STARD7: variants seen among roughly 807,000 people sequenced by gnomAD.
The protein encoded by STARD7 is stAR-related lipid transfer protein 7, mitochondrial.
In STARD7, 30 loss-of-function variants were observed where a neutral mutation model predicts 45.3. That is an observed-to-expected ratio of 0.66 (90% CI 0.50 to 0.90). The LOEUF (loss-of-function observed/expected upper bound fraction) is 0.90. Ranked by LOEUF, STARD7 falls within the 40% of genes least tolerant of loss-of-function variation. The pLI, the probability that STARD7 is intolerant of heterozygous loss-of-function variation, is 0.00. For missense variants in STARD7, 495 were observed against 491.3 expected, an observed-to-expected ratio of 1.01 and a Z score of -0.07; for synonymous variants, 199 against 183.0, an observed-to-expected ratio of 1.09 and a Z score of -0.70.
rs777052263 is a variant in STARD7, at chr2:96,186,923, A to T, written c.929-9T>A. 6.2e-7 allele frequency: 1 copy of T among 1,609,890 alleles called. No individual in the cohort carries two copies. The highest frequency in any genetic ancestry group is 8.5e-7 in the Non-Finnish European group (1 of 1,177,828). ...CAGGAAATCTGGCATGCCTGTCAGG[A>T]GACGAGAATCAGGTTAAGCTGACAT... On this transcript the variant is annotated splice_polypyrimidine_tract_variant and intron_variant, in intron 7 of 7. Coordinates refer to ENST00000337288, the MANE Select transcript of STARD7 (RefSeq NM_020151.4).
intron 1 of STARD7, among the ~76,000 whole-genome samples, chr2:96,197,074 A>ATAACATAACATAACATAACATAACATAAC (rs539093666): frequency 6.1e-4 from 78 of 128,184 alleles, no homozygotes; most frequent in Non-Finnish European, 1.1e-3. Context: ...CTCAAAATAA[A>ATAACATAACATAACATAACATAACATAAC]ATAAAATAAA....
At chr2:96,206,657 C>A (rs967223268) in intron 1 of STARD7, among the ~76,000 whole-genome samples, 2 of 151,000 alleles carry the variant, frequency 1.3e-5, no homozygotes, top group African/African-American at 4.9e-5. Context: ...AAAAATTAGC[C>A]GGGCGTGGTG....
chr2:96,202,926 G>C (rs995248079), intron 1 of STARD7, among the ~76,000 whole-genome samples: 1 of 152,218 alleles, frequency 6.6e-6, no homozygotes, highest in African/African-American at 2.4e-5. Flanking sequence ...CAGAGCATCT[G>C]ACCCACTGCT....
chr2:96,195,265 T>A, intron 2 of STARD7, 76 bp downstream of exon 2: 1 of 1,305,704 alleles, frequency 7.7e-7, no homozygotes, highest in Non-Finnish European at 1.1e-6. Context: ...CAGAACAGTT[T>A]AGAGAAGTAT....
chr2:96,208,028 C>G, intron 1 of STARD7, 117 bp downstream of exon 1: 1 of 931,626 alleles, frequency 1.1e-6, no homozygotes, highest in Admixed American at 3.2e-5. Flanking sequence ...GTTCAATCGA[C>G]TGTATTGCCA....
intron 1 of STARD7, among the ~76,000 whole-genome samples, chr2:96,203,925 C>T (rs1252588577): frequency 6.6e-6 from 1 of 151,954 alleles, no homozygotes; most frequent in Non-Finnish European, 1.5e-5. Flanking sequence ...CAGATCACAC[C>T]GCTGCACTCC....
At chr2:96,197,481 A>G (rs1378056289) in intron 1 of STARD7, among the ~76,000 whole-genome samples, 1 of 152,210 alleles carries the variant, frequency 6.6e-6, no homozygotes, top group Non-Finnish European at 1.5e-5. Context: ...TTAACTATGA[A>G]GGTTTATGGT....
chr2:96,194,759 G>C (rs562754931), intron 3 of STARD7, among the ~76,000 whole-genome samples, 199 bp downstream of exon 3: 1 of 152,314 alleles, frequency 6.6e-6, no homozygotes, highest in East Asian at 1.9e-4. Context: ...CTGTGGGAGG[G>C]TAAAACTGAT....
At chr2:96,189,228 C>A (rs931865496) in intron 6 of STARD7, among the ~76,000 whole-genome samples, 4 of 152,206 alleles carry the variant, frequency 2.6e-5, no homozygotes, top group African/African-American at 9.6e-5. Context: ...CGATTACAGG[C>A]ATGAGCTACC....
intron 1 of STARD7, among the ~76,000 whole-genome samples, chr2:96,197,075 A>C (rs563427299): frequency 0.019 from 2,334 of 125,482 alleles, 84 homozygotes; most frequent in East Asian, 0.11. Context: ...TCAAAATAAA[A>C]TAAAATAAAA....
rs59168739 is a variant in STARD7 at position 96,193,482 on chromosome 2, G to A, written c.550-130C>T. On this transcript the variant is annotated intron_variant, in intron 3 of 7. Coordinates refer to ENST00000337288, the MANE Select transcript of STARD7 (RefSeq NM_020151.4). ...AGAGAGTAATCTGACCTAACAGACA[G>A]TGCCAGAGTGTGAGAGACATGGCTG... The A allele has an allele frequency of 3.2e-3, 2,172 of 669,728 alleles. 20 individuals are homozygous for A. The highest frequency in any genetic ancestry group is 0.028 in the East Asian group (1,060 of 38,214). The allele number at this position is 669,728 out of a possible 1,614,324, so 41.5% of individuals were successfully genotyped here.
chr2:96,207,666 T>C (rs766955929), intron 1 of STARD7, among the ~76,000 whole-genome samples: 15 of 152,180 alleles, frequency 9.9e-5, no homozygotes, highest in Non-Finnish European at 7.3e-5. Flanking sequence ...GCTCTCAATT[T>C]TGCCACGAGT....
intron 7 of STARD7, 112 bp downstream of exon 7, chr2:96,187,105 A>G (rs79652198): frequency 4.0e-6 from 1 of 251,986 alleles, no homozygotes; most frequent in African/African-American, 2.4e-5. Flanking sequence ...TCTGTCTCAG[A>G]AAAAAAAAAA....
At chr2:96,197,600 A>G (rs1683243057) in intron 1 of STARD7, among the ~76,000 whole-genome samples, 2 of 152,218 alleles carry the variant, frequency 1.3e-5, no homozygotes, top group African/African-American at 4.8e-5. Flanking sequence ...CACATACCAT[A>G]AGATTCATTC....
At chr2:96,187,491 T>C (rs943350959) in intron 6 of STARD7, 190 bp from the exon 7 acceptor site, 7 of 523,318 alleles carry the variant, frequency 1.3e-5, no homozygotes, top group African/African-American at 1.2e-4. Flanking sequence ...CCTTGCAATG[T>C]TGACCCTTGG....
intron 1 of STARD7, among the ~76,000 whole-genome samples, chr2:96,202,736 A>G (rs1295016674): frequency 6.6e-6 from 1 of 152,340 alleles, no homozygotes; most frequent in African/African-American, 2.4e-5. Flanking sequence ...GGCACATGCC[A>G]CAACACCTGG....
At position 96,208,558 on chromosome 2, in the gene STARD7, CCAGGAGCCGCCG is replaced by C. The variant is rs1293834394; in HGVS notation, c.-136_-125del. ...ACGAACCCGTCTCACGGTCCCGCGG[CCAGGAGCCGCCG>C]CTCATCTGTCTCTGCAGCCACCGCT... On this transcript the variant is annotated 5_prime_UTR_variant, in exon 1 of 8. Transcript: ENST00000337288. The C allele has an allele frequency of 1.8e-5, 15 of 827,066 alleles. No individual in the cohort carries two copies. The highest frequency in any genetic ancestry group is 2.0e-5 in the Non-Finnish European group (12 of 586,656). The allele number at this position is 827,066 out of a possible 1,614,324, so 51.2% of individuals were successfully genotyped here. A position where few individuals can be genotyped will look rare whatever the true frequency, so the allele number is the denominator to read the frequency against.
chr2:96,195,521 C>T lies in STARD7; in HGVS notation c.319G>A (p.Glu107Lys). The T allele has an allele frequency of 6.2e-7, 1 of 1,613,606 alleles. No homozygotes were observed. Among genetic ancestry groups the T allele is most frequent in the Non-Finnish European group, 8.5e-7 (1 of 1,179,720 alleles). Residue 107 changes from glutamate (E) to lysine (K), a missense_variant, in exon 2 of 8, where the codon GAA (glutamate) becomes AAA (lysine). Physicochemically the swap from Glu to Lys is moderately conservative, Grantham distance 56. Around this residue, in one of 2 missense-constraint regions of STARD7, gnomAD observed 282 missense variants for 220.1 expected, o/e 1.28. Coordinates refer to ENST00000337288, the MANE Select transcript of STARD7 (RefSeq NM_020151.4). Reference sequence around the variant, plus strand: ...GAGCTCTGAAACATATTTGACATTTCTTCCAACCGCTTCATCTCATTAATA... The same window carrying T: ...GAGCTCTGAAACATATTTGACATTTTTTCCAACCGCTTCATCTCATTAATA... ...RSINEMKRLE[E>K]MSNMFQSSGV...
At position 96,193,069 on chromosome 2, in the gene STARD7, C is replaced by T; in HGVS notation, c.743+9G>A. 6.2e-7 allele frequency: 1 copy of T among 1,607,558 alleles called. No homozygotes were observed. On this transcript the variant is annotated intron_variant, in intron 5 of 7. Coordinates refer to ENST00000337288, the MANE Select transcript of STARD7 (RefSeq NM_020151.4). ...GAACTCGGCAACAGCCACAGGCAGC[C>T]ATACATACCGCGACACCAACACCAT... is the stretch of plus-strand genomic sequence containing the variant.
Sources: allele counts gnomAD v4.1 joint callset (sites outside exome capture counted in the v4.1 genomes callset), GRCh38; gene constraint gnomAD v4.1.1; regional missense constraint gnomAD v4.1.1; transcripts MANE v1.5; gene names NCBI Gene and HGNC (gene_info 2026-07-23, HGNC 2026-07-21).